Variants in BAIAP2 observed in about 807,000 individuals in gnomAD.
The protein encoded by BAIAP2 is BAR/IMD domain-containing adapter protein 2.
A neutral mutation model predicts 63.0 loss-of-function variants in BAIAP2; 18 were observed. That is an observed-to-expected ratio of 0.29 (90% CI 0.20 to 0.42). BAIAP2 has a LOEUF of 0.42. BAIAP2 is among the 10% of genes least tolerant of loss of function. The pLI is 1.00. For synonymous variants in BAIAP2, 386 were observed against 307.6 expected, an observed-to-expected ratio of 1.25 and a Z score of -2.67; for missense variants, 610 against 734.3, an observed-to-expected ratio of 0.83 and a Z score of 1.96.
intron 2 of BAIAP2, 116 bp from the exon 3 acceptor site, chr17:81,057,765 C>G (rs1246522932): frequency 7.0e-6 from 10 of 1,426,912 alleles, no homozygotes; most frequent in Non-Finnish European, 9.2e-6. Flanking sequence ...ATTCTCCCAG[C>G]TTGTCTGGGC....
Position 81,040,452 on chromosome 17 carries a change from A to G in BAIAP2, c.54+5144A>G, listed in dbSNP as rs1310379630. ...CCCCTGGCTGTGCCTGTACAGCTGC[A>G]CAATGACTTGAGGGGCCTCAACCCA... On this transcript the variant is annotated intron_variant, in intron 1 of 13. Transcript: ENST00000428708. 2.0e-5 allele frequency among the ~76,000 whole-genome samples: 3 copies of G among 152,258 alleles called. No homozygotes were observed. In the East Asian group the frequency reaches 5.8e-4, roughly 29 times the overall value.
At chr17:81,092,312 C>T (rs945768190) in intron 6 of BAIAP2, among the ~76,000 whole-genome samples, 8 of 152,180 alleles carry the variant, frequency 5.3e-5, no homozygotes, top group African/African-American at 1.4e-4. Flanking sequence ...GCCCCCGATG[C>T]GCACTGCCCG....
intron 1 of BAIAP2, among the ~76,000 whole-genome samples, chr17:81,039,811 G>T (rs939925983): frequency 3.3e-5 from 5 of 152,198 alleles, no homozygotes; most frequent in Non-Finnish European, 4.4e-5. Context: ...AGGATAGGTG[G>T]TCTTGCAGGG....
At chr17:81,105,884 C>T (rs2059126018) in intron 10 of BAIAP2, 194 bp from the exon 11 acceptor site, 1 of 556,740 alleles carries the variant, frequency 1.8e-6, no homozygotes, top group African/African-American at 1.9e-5. Flanking sequence ...GCCCGGGCCA[C>T]CTTGCCCTTG....
At chr17:81,079,066 A>G (rs949569720) in intron 3 of BAIAP2, among the ~76,000 whole-genome samples, 1 of 152,154 alleles carries the variant, frequency 6.6e-6, no homozygotes, top group Non-Finnish European at 1.5e-5. Context: ...GACTCAGCAG[A>G]TGGAAAGGGC....
At chr17:81,038,896 TGG>T (rs780200000) in intron 1 of BAIAP2, among the ~76,000 whole-genome samples, 1 of 23,710 alleles carries the variant, frequency 4.2e-5, no homozygotes, top group East Asian at 1.7e-3. Context: ...GTCGCCTTCC[TGG>T]GTGGGGGGGG....
At position 81,095,358 on chromosome 17, in the gene BAIAP2, T is replaced by G. The variant is rs377295189; in HGVS notation, c.490-4570T>G. 3.5e-3 allele frequency among the ~76,000 whole-genome samples: 526 copies of G among 152,224 alleles called. 9 individuals are homozygous for G. The South Asian group carries it at 0.039, about 11-fold the overall frequency. ...TAGGTCATCCCCGTCCAACAGCAGG[T>G]CACAGTTGGCCGGGCCCTGCAGTGC... is the stretch of plus-strand genomic sequence containing the variant. On this transcript the variant is annotated intron_variant, in intron 6 of 13. Transcript: ENST00000428708.
In BAIAP2 at chr17:81,090,321, C is replaced by G. The variant is rs147087398; in HGVS notation, c.489+3741C>G. Among the ~76,000 whole-genome samples, 952 of 152,352 alleles carry G rather than the reference C, an allele frequency of 6.2e-3. 4 individuals carry two copies. The highest frequency in any genetic ancestry group is 0.012 in the Admixed American group (186 of 15,302). On this transcript the variant is annotated intron_variant, in intron 6 of 13. Coordinates refer to ENST00000428708, the MANE Select transcript of BAIAP2 (RefSeq NM_001144888.2). ...GCCAGGATGAGCCGACATCAACCTT[C>G]TCACGGTGCCTGCGTGGGGGCTCTC... is the stretch of plus-strand genomic sequence containing the variant.
At chr17:81,044,406 C>T (rs533861755) in intron 1 of BAIAP2, among the ~76,000 whole-genome samples, 50 of 152,234 alleles carry the variant, frequency 3.3e-4, no homozygotes, top group Non-Finnish European at 6.0e-4. Context: ...GCCCACAGGA[C>T]GGCCGTGGCA....
intron 1 of BAIAP2, among the ~76,000 whole-genome samples, chr17:81,039,006 A>C (rs903940358): frequency 2.6e-5 from 4 of 152,066 alleles, no homozygotes; most frequent in African/African-American, 9.6e-5. Context: ...GCACACGTGC[A>C]TGCAGTGCTT....
chr17:81,064,895 G>T (rs1329968096), intron 3 of BAIAP2, among the ~76,000 whole-genome samples: 1 of 152,220 alleles, frequency 6.6e-6, no homozygotes, highest in Admixed American at 6.5e-5. Flanking sequence ...AGGGAATGGA[G>T]TGGCAGCTCC....
chr17:81,044,188 C>T (rs997740987), intron 1 of BAIAP2, among the ~76,000 whole-genome samples: 6 of 152,244 alleles, frequency 3.9e-5, no homozygotes, highest in Non-Finnish European at 8.8e-5. Context: ...CCTGCTTGCT[C>T]AGCCACGGTT....
intron 1 of BAIAP2, among the ~76,000 whole-genome samples, chr17:81,038,944 A>C (rs1359405087): frequency 6.6e-6 from 1 of 152,142 alleles, no homozygotes; most frequent in East Asian, 1.9e-4. Flanking sequence ...GAGAAATCAC[A>C]GTGCTGGACC....
At chr17:81,050,006 T>TGGTC (rs1306854947) in intron 1 of BAIAP2, among the ~76,000 whole-genome samples, 1 of 152,150 alleles carries the variant, frequency 6.6e-6, no homozygotes, top group Non-Finnish European at 1.5e-5. Context: ...TGACTGGAGA[T>TGGTC]GGTCTCCCAG....
At chr17:81,112,448 C>G (rs1055581255) in intron 13 of BAIAP2, among the ~76,000 whole-genome samples, 1 of 152,226 alleles carries the variant, frequency 6.6e-6, no homozygotes. Context: ...AAGAGACTCC[C>G]CAATCCCATT....
chr17:81,095,194 G>GA (rs889564625), intron 6 of BAIAP2, among the ~76,000 whole-genome samples: 5 of 152,120 alleles, frequency 3.3e-5, no homozygotes, highest in African/African-American at 1.2e-4. Context: ...GCGGGGACTG[G>GA]AGGGGGCCAG....
chr17:81,075,820 C>T (rs565146863), intron 3 of BAIAP2, among the ~76,000 whole-genome samples: 83 of 152,350 alleles, frequency 5.4e-4, no homozygotes, highest in Non-Finnish European at 9.8e-4. Context: ...CAGTACTGCC[C>T]AGCCTTTGCA....
At position 81,057,977 on chromosome 17, in the gene BAIAP2, C is replaced by G. The variant is rs113744386; in HGVS notation, c.217+10C>G. The G allele has an allele frequency of 5.5e-5, 21 of 385,280 alleles. No individual in the cohort carries two copies. Among genetic ancestry groups the G allele is most frequent in the Middle Eastern group, 5.1e-4 (1 of 1,968 alleles). 23.9% of individuals were successfully genotyped at this position (385,280 alleles called of 1,614,324 possible). On this transcript the variant is annotated intron_variant, in intron 3 of 13. Coordinates refer to ENST00000428708, the MANE Select transcript of BAIAP2 (RefSeq NM_001144888.2). ...GGCTCCAAAGAACTCGGTGAGACCC[C>G]CCCCCCCCCCCCGCCTGGTAGTCGC...
At chr17:81,049,354 G>T (rs1485917682) in intron 1 of BAIAP2, among the ~76,000 whole-genome samples, 4 of 152,232 alleles carry the variant, frequency 2.6e-5, no homozygotes, top group Non-Finnish European at 5.9e-5. Flanking sequence ...CCCTCAGTGT[G>T]GACAGCTGGG....
Sources: allele counts gnomAD v4.1 joint callset (sites outside exome capture counted in the v4.1 genomes callset), GRCh38; gene constraint gnomAD v4.1.1; transcripts MANE v1.5; gene names NCBI Gene and HGNC (gene_info 2026-07-23, HGNC 2026-07-21).